FAM110D: variants seen among roughly 807,000 people sequenced by gnomAD.
The protein encoded by FAM110D is family with sequence similarity 110 member D.
For synonymous variants in FAM110D, 174 were observed against 189.4 expected, an observed-to-expected ratio of 0.92 and a Z score of 0.67; for missense variants, 376 against 395.6, an observed-to-expected ratio of 0.95 and a Z score of 0.42.
rs1397059146 is a variant in FAM110D at position 26,161,977 on chromosome 1, G to T, written c.686G>T (p.Gly229Val). The change falls in exon 2 of 2, where the codon GGC (glycine) becomes GTC (valine). Residue 229 changes from glycine to valine, a missense_variant. By Grantham distance (109) the Gly-to-Val change is moderately radical. Transcript: ENST00000374268. This position sits in a 1 kb window ranked among gnomAD's most constrained non-coding sequence, Gnocchi z 5.4. ...DSPGGAGGGG[G>V]SEAAGSARDR... ...CCGGGCGGCGCGGGCGGCGGCGGCG[G>T]CTCGGAGGCAGCGGGCTCGGCGCGG... The T allele has an allele frequency of 8.0e-7, 1 of 1,242,562 alleles. No homozygotes were observed. Among genetic ancestry groups the T allele is most frequent in the South Asian group, 3.9e-5 (1 of 25,942 alleles). 77.0% of individuals were successfully genotyped at this position (1,242,562 alleles called of 1,614,324 possible).
intron 1 of FAM110D, among the ~76,000 whole-genome samples, chr1:26,159,599 C>T (rs2088341633): frequency 6.6e-6 from 1 of 150,574 alleles, no homozygotes; most frequent in Non-Finnish European, 1.5e-5. Flanking sequence ...GCCTCAACTA[C>T]CTATGAGCAG....
Position 26,162,122 on chromosome 1 carries a change from G to T in FAM110D, c.*15G>T. ...CCGAGGTGTGACCGCCGCGGCTCCGGACTGGCCCCGGGACTGGCCCCGGGC... is the reference window on the plus strand; with the variant it reads ...CCGAGGTGTGACCGCCGCGGCTCCGTACTGGCCCCGGGACTGGCCCCGGGC... On this transcript the variant is annotated 3_prime_UTR_variant, in exon 2 of 2. Transcript: ENST00000374268. This position sits in a 1 kb window ranked among gnomAD's most constrained non-coding sequence, Gnocchi z 5.3. The T allele has an allele frequency of 8.0e-7, 1 of 1,253,074 alleles. No individual in the cohort carries two copies. The highest frequency in any genetic ancestry group is 3.2e-5 in the South Asian group (1 of 31,482). 77.6% of individuals were successfully genotyped at this position (1,253,074 alleles called of 1,614,324 possible). A position where few individuals can be genotyped will look rare whatever the true frequency, so the allele number is the denominator to read the frequency against.
chr1:26,162,017 G>C lies in FAM110D; in HGVS notation c.726G>C (p.Pro242=). Residue 242 remains proline, a synonymous_variant, in exon 2 of 2, where the codon CCG becomes CCC. Coordinates refer to ENST00000374268, the MANE Select transcript of FAM110D (RefSeq NM_024869.3). This position sits in a 1 kb window ranked among gnomAD's most constrained non-coding sequence, Gnocchi z 5.3. ...AAGSARDRRP[P]VSVVERNARV... The stretch of plus-strand genomic sequence containing the variant: ...GCTCGGCGCGGGACCGGCGCCCCCC[G>C]GTGTCGGTGGTGGAGCGCAACGCGC... 8.1e-7 allele frequency: 1 copy of C among 1,238,206 alleles called. No individual in the cohort carries two copies. Among genetic ancestry groups the C allele is most frequent in the Non-Finnish European group, 1.0e-6 (1 of 994,682 alleles). The allele number at this position is 1,238,206 out of a possible 1,614,324, so 76.7% of individuals were successfully genotyped here.
chr1:26,161,447 G>T lies in FAM110D; in HGVS notation c.156G>T (p.Pro52=). ...GTGGGAGTCCTGGGCCGCTCACGCC[G>T]CACCCCTGCAACGAGCTGGGGCCCC... ...ALRGSPGPLT[P]HPCNELGPPA... Residue 52 remains proline, a synonymous_variant, in exon 2 of 2, where the codon CCG becomes CCT. Transcript: ENST00000374268. This position sits in a 1 kb window ranked among gnomAD's most constrained non-coding sequence, Gnocchi z 5.4. The T allele has an allele frequency of 6.3e-7, 1 of 1,577,040 alleles. No individual in the cohort carries two copies. The highest frequency in any genetic ancestry group is 8.6e-7 in the Non-Finnish European group (1 of 1,162,080).
At position 26,161,848 on chromosome 1, in the gene FAM110D, C is replaced by G. The variant is rs1259239781; in HGVS notation, c.557C>G (p.Pro186Arg). The change falls in exon 2 of 2, where the codon CCG (proline) becomes CGG (arginine). Residue 186 changes from proline to arginine, a missense_variant. By Grantham distance (103) the Pro-to-Arg change is moderately radical. Coordinates refer to ENST00000374268, the MANE Select transcript of FAM110D (RefSeq NM_024869.3). The surrounding 1 kb of genome is among the most constrained non-coding windows in gnomAD (Gnocchi z 5.4). ...VEVLGAERFS[P>R]QSWGADASPQ... is the part of the protein sequence containing the mutation. The stretch of plus-strand genomic sequence containing the variant: ...GTGCTGGGCGCAGAGCGCTTCTCCC[C>G]GCAGAGCTGGGGAGCCGACGCCAGC... 2.6e-6 allele frequency: 4 copies of G among 1,535,624 alleles called. No homozygotes were observed. In the Admixed American group the frequency reaches 7.9e-5, roughly 30 times the overall value.
At position 26,163,024 on chromosome 1, in the gene FAM110D, G is replaced by C. The variant is rs2088385282; in HGVS notation, c.*917G>C. On this transcript the variant is annotated 3_prime_UTR_variant, in exon 2 of 2. Transcript: ENST00000374268. ...GCGCGCCTGTAATCCCAGCTACTCG[G>C]GAGGCTGAGGCAGGAGAATCGCTTG... 1.3e-5 allele frequency: 2 copies of C among 152,138 alleles called. No homozygotes were observed. Among genetic ancestry groups the C allele is most frequent in the African/African-American group, 4.8e-5 (2 of 41,394 alleles). The allele number at this position is 152,138 out of a possible 1,614,324, so 9.4% of individuals were successfully genotyped here.
rs2088391686 is a variant in FAM110D at position 26,163,496 on chromosome 1, C to T, written c.*1389C>T. On this transcript the variant is annotated 3_prime_UTR_variant, in exon 2 of 2. Transcript: ENST00000374268. The stretch of plus-strand genomic sequence containing the variant: ...AGTAGCTGGGACTACAGGCGCCCGC[C>T]ACTACGCCCGGCTAATTTTTTGTAT... The T allele has an allele frequency of 1.3e-5, 1 of 78,096 alleles. No homozygotes were observed. Among genetic ancestry groups the T allele is most frequent in the African/African-American group, 3.9e-5 (1 of 25,680 alleles). 4.8% of individuals were successfully genotyped at this position (78,096 alleles called of 1,614,324 possible). A position where few individuals can be genotyped will look rare whatever the true frequency, so the allele number is the denominator to read the frequency against.
chr1:26,163,303 CCGTTCCTTTT>C lies in FAM110D; in HGVS notation c.*1198_*1207del, dbSNP rs1019450143. On this transcript the variant is annotated 3_prime_UTR_variant, in exon 2 of 2. Coordinates refer to ENST00000374268, the MANE Select transcript of FAM110D (RefSeq NM_024869.3). ...GCACCTCCTTCCTTTGCCTGGGTTGCCGTTCCTTTTCTCTCTGCTCTTCCTTCTCTTTTTT... is the reference window on the plus strand; with the variant it reads ...GCACCTCCTTCCTTTGCCTGGGTTGCCTCTCTGCTCTTCCTTCTCTTTTTT... 6.6e-6 allele frequency: 1 copy of C among 151,720 alleles called. No individual in the cohort carries two copies. Among genetic ancestry groups the C allele is most frequent in the Non-Finnish European group, 1.5e-5 (1 of 68,018 alleles). The allele number at this position is 151,720 out of a possible 1,614,324, so 9.4% of individuals were successfully genotyped here.
At chr1:26,159,764 G>T (rs141006240) in intron 1 of FAM110D, among the ~76,000 whole-genome samples, 1 of 152,050 alleles carries the variant, frequency 6.6e-6, no homozygotes, top group Non-Finnish European at 1.5e-5. Context: ...AGGACTCAGG[G>T]GGAGTAGGGG....
At chr1:26,159,809 T>C (rs1197596372) in intron 1 of FAM110D, among the ~76,000 whole-genome samples, 1 of 152,006 alleles carries the variant, frequency 6.6e-6, no homozygotes, top group Non-Finnish European at 1.5e-5. Flanking sequence ...CAGGGCCATG[T>C]GGGTGGCCCA....
rs1553152241 is a variant in FAM110D, at chr1:26,161,449, ACCCCTGCAACGAGCTGGGGC to A, written c.167_186del (p.Asn56IlefsTer20). ...GGGAGTCCTGGGCCGCTCACGCCGCACCCCTGCAACGAGCTGGGGCCCCCTGCATCGCCCAGGACGCCCAG... is the reference window on the plus strand; with the variant it reads ...GGGAGTCCTGGGCCGCTCACGCCGCACCCCTGCATCGCCCAGGACGCCCAG... On this transcript the variant is annotated frameshift_variant, in exon 2 of 2. Transcript: ENST00000374268. LOFTEE classifies it low-confidence loss of function (END_TRUNC). The surrounding 1 kb of genome is among the most constrained non-coding windows in gnomAD (Gnocchi z 5.4). 6.4e-7 allele frequency: 1 copy of A among 1,572,954 alleles called. No individual in the cohort carries two copies. The highest frequency in any genetic ancestry group is 8.6e-7 in the Non-Finnish European group (1 of 1,159,822).
In FAM110D at chr1:26,161,471, C is replaced by T. The variant is rs937099151; in HGVS notation, c.180C>T (p.Pro60=). 5 of 1,559,116 alleles carry T rather than the reference C, an allele frequency of 3.2e-6. No homozygotes were observed. The African/African-American group carries it at 6.8e-5, about 21-fold the overall frequency. The stretch of plus-strand genomic sequence containing the variant: ...CGCACCCCTGCAACGAGCTGGGGCC[C>T]CCTGCATCGCCCAGGACGCCCAGGC... ...LTPHPCNELG[P]PASPRTPRPV... Residue 60 remains proline (P), a synonymous_variant, in exon 2 of 2, where the codon CCC becomes CCT. Transcript: ENST00000374268. The surrounding 1 kb of genome is among the most constrained non-coding windows in gnomAD (Gnocchi z 5.4).
Position 26,162,843 on chromosome 1 carries a change from C to G in FAM110D, c.*736C>G, listed in dbSNP as rs924663831. The G allele has an allele frequency of 2.6e-5, 4 of 152,110 alleles. No homozygotes were observed. Among genetic ancestry groups the G allele is most frequent in the African/African-American group, 9.7e-5 (4 of 41,400 alleles). The allele number at this position is 152,110 out of a possible 1,614,324, so 9.4% of individuals were successfully genotyped here. A position where few individuals can be genotyped will look rare whatever the true frequency, so the allele number is the denominator to read the frequency against. ...GGGCTGAGATCCAACCTTTCGGACACAAAAAGAAGGGAACCGGGCCGGGCG... is the reference window on the plus strand; with the variant it reads ...GGGCTGAGATCCAACCTTTCGGACAGAAAAAGAAGGGAACCGGGCCGGGCG... On this transcript the variant is annotated 3_prime_UTR_variant, in exon 2 of 2. Coordinates refer to ENST00000374268, the MANE Select transcript of FAM110D (RefSeq NM_024869.3). The surrounding 1 kb of genome is among the most constrained non-coding windows in gnomAD (Gnocchi z 5.3).
At position 26,162,084 on chromosome 1, in the gene FAM110D, C is replaced by T. The variant is rs1438360967; in HGVS notation, c.793C>T (p.Pro265Ser). The T allele has an allele frequency of 1.6e-6, 2 of 1,271,828 alleles. No individual in the cohort carries two copies. The highest frequency in any genetic ancestry group is 2.0e-6 in the Non-Finnish European group (2 of 1,009,820). The allele number at this position is 1,271,828 out of a possible 1,614,324, so 78.8% of individuals were successfully genotyped here. ...WLYGCQRARGPPRESEV is the reference protein window; with the variant it reads ...WLYGCQRARGSPRESEV ...GTACGGCTGCCAGCGCGCCCGCGGACCGCCGCGCGAGTCCGAGGTGTGACC... is the reference window on the plus strand; with the variant it reads ...GTACGGCTGCCAGCGCGCCCGCGGATCGCCGCGCGAGTCCGAGGTGTGACC... The change falls in exon 2 of 2, where the codon CCG becomes TCG. Residue 265 changes from proline to serine, a missense_variant. Pro to Ser is a moderately conservative substitution (Grantham distance 74, BLOSUM62 -1). Coordinates refer to ENST00000374268, the MANE Select transcript of FAM110D (RefSeq NM_024869.3). The surrounding 1 kb of genome is among the most constrained non-coding windows in gnomAD (Gnocchi z 5.3).
In FAM110D at chr1:26,161,963, G is replaced by GGGCGGC. The variant is rs991132483; in HGVS notation, c.682_687dup (p.Gly228_Gly229dup). The GGGCGGC allele has an allele frequency of 1.0e-5, 13 of 1,245,064 alleles. No homozygotes were observed. The Admixed American group carries it at 1.3e-4, about 12-fold the overall frequency. The allele number at this position is 1,245,064 out of a possible 1,614,324, so 77.1% of individuals were successfully genotyped here. On this transcript the variant is annotated inframe_insertion, in exon 2 of 2. Coordinates refer to ENST00000374268, the MANE Select transcript of FAM110D (RefSeq NM_024869.3). This position sits in a 1 kb window ranked among gnomAD's most constrained non-coding sequence, Gnocchi z 5.4. ...GGGGCGTGGACAGCCCGGGCGGCGC[G>GGGCGGC]GGCGGCGGCGGCGGCTCGGAGGCAG...
Position 26,161,374 on chromosome 1 carries a change from A to T in FAM110D, c.83A>T (p.Tyr28Phe). The T allele has an allele frequency of 1.3e-6, 2 of 1,598,876 alleles. No homozygotes were observed. Among genetic ancestry groups the T allele is most frequent in the Non-Finnish European group, 1.7e-6 (2 of 1,173,252 alleles). Residue 28 changes from tyrosine to phenylalanine, a missense_variant, in exon 2 of 2, where the codon TAT (tyrosine) becomes TTT (phenylalanine). Transcript: ENST00000374268. This position sits in a 1 kb window ranked among gnomAD's most constrained non-coding sequence, Gnocchi z 5.4. ...AGGCTGGAAGCCGACAAAGCCAAGT[A>T]TGTCAAGACGCACCAGGTGATAGCT... ...VERLEADKAK[Y>F]VKTHQVIARR... is the part of the protein sequence containing the mutation.
chr1:26,160,031 G>A (rs538167044), intron 1 of FAM110D, among the ~76,000 whole-genome samples: 2 of 152,240 alleles, frequency 1.3e-5, no homozygotes, highest in East Asian at 1.9e-4. Flanking sequence ...CATTTCTAAC[G>A]GAAATTGCTT....
At chr1:26,160,767 T>C (rs1281860396) in intron 1 of FAM110D, among the ~76,000 whole-genome samples, 1 of 152,200 alleles carries the variant, frequency 6.6e-6, no homozygotes, top group Non-Finnish European at 1.5e-5. Context: ...TACCCTGTGG[T>C]TATATCCCCG....
At chr1:26,160,507 C>T (rs2088354985) in intron 1 of FAM110D, among the ~76,000 whole-genome samples, 1 of 152,196 alleles carries the variant, frequency 6.6e-6, no homozygotes, top group African/African-American at 2.4e-5. Context: ...AACCTGGGTT[C>T]CAGTCCTGGC....
Sources: gnomAD v4.1 joint callset for allele counts (sites outside exome capture counted in the v4.1 genomes callset) on GRCh38, gnomAD v4.1.1 for gene constraint, Gnocchi (gnomAD v3.1) non-coding constraint, MANE v1.5 for transcripts, NCBI Gene and HGNC (gene_info 2026-07-23, HGNC 2026-07-21) for gene names.